Variants in SPTLC2 observed in about 807,000 individuals in gnomAD.
The protein encoded by SPTLC2 is serine palmitoyltransferase 2.
In SPTLC2, 21 loss-of-function variants were observed where a neutral mutation model predicts 62.0. That is an observed-to-expected ratio of 0.34 (90% CI 0.24 to 0.49). The LOEUF is 0.49. Among genes scored for constraint, SPTLC2 ranks in the 20% least tolerant of loss-of-function variants. SPTLC2 has a pLI of 0.99. For synonymous variants in SPTLC2, 261 were observed against 261.8 expected (o/e 1.00, Z 0.03); for missense variants, 511 against 713.0 (o/e 0.72, Z 3.23).
At chr14:77,586,697 T>A (rs988546758) in intron 2 of SPTLC2, among the ~76,000 whole-genome samples, 6 of 152,118 alleles carry the variant, frequency 3.9e-5, no homozygotes, top group African/African-American at 1.4e-4. Context: ...AAATATTTCC[T>A]AAAAACCACT....
intron 9 of SPTLC2, among the ~76,000 whole-genome samples, chr14:77,530,930 G>A (rs2079435333): frequency 1.3e-5 from 2 of 152,198 alleles, no homozygotes; most frequent in East Asian, 1.9e-4. Flanking sequence ...AACAATGCAC[G>A]TTGGCCCACC....
At chr14:77,559,825 A>G (rs2079605253) in intron 6 of SPTLC2, among the ~76,000 whole-genome samples, 3 of 152,142 alleles carry the variant, frequency 2.0e-5, no homozygotes, top group Admixed American at 2.0e-4. Flanking sequence ...TAGGAGGTCA[A>G]GGCTGTGGTG....
chr14:77,576,741 G>C (rs568833361), intron 4 of SPTLC2, 26 bp downstream of exon 4: 1 of 1,614,116 alleles, frequency 6.2e-7, no homozygotes, highest in Non-Finnish European at 8.5e-7. Context: ...AAAAACAGCA[G>C]CTGGCCAAAT....
At position 77,616,549 on chromosome 14, in the gene SPTLC2, G is replaced by C. The variant is rs866105653; in HGVS notation, c.31C>G (p.Arg11Gly). Residue 11 changes from arginine to glycine, a missense_variant, in exon 1 of 12, where the codon CGC becomes GGC. By Grantham distance (125) the Arg-to-Gly change is moderately radical. Coordinates refer to ENST00000216484, the MANE Select transcript of SPTLC2 (RefSeq NM_004863.4). ...CAGCCATTCGCCCGCACCGTGCGGCGGCAGCAGCAGCCTCCGGGCTCCGGC... is the reference window on the plus strand; with the variant it reads ...CAGCCATTCGCCCGCACCGTGCGGCCGCAGCAGCAGCCTCCGGGCTCCGGC... Reference protein sequence around the residue: MRPEPGGCCCRRTVRANGCVA... With the variant: MRPEPGGCCCGRTVRANGCVA... The C allele has an allele frequency of 6.5e-7, 1 of 1,536,316 alleles. No individual in the cohort carries two copies. The highest frequency in any genetic ancestry group is 8.7e-7 in the Non-Finnish European group (1 of 1,147,038).
intron 5 of SPTLC2, among the ~76,000 whole-genome samples, chr14:77,564,298 G>C (rs1349782503): frequency 1.2e-5 from 1 of 81,044 alleles, no homozygotes; most frequent in Non-Finnish European, 2.8e-5. Context: ...AGGAGGAAGA[G>C]GAGGAGAAGG....
At chr14:77,595,055 G>C (rs776011862) in intron 2 of SPTLC2, among the ~76,000 whole-genome samples, 3 of 152,028 alleles carry the variant, frequency 2.0e-5, no homozygotes, top group Non-Finnish European at 4.4e-5. Flanking sequence ...AGGGGGAGAA[G>C]GGGGATCAAA....
rs753752297 is a variant in SPTLC2, at chr14:77,570,392, C to T, written c.748G>A (p.Val250Ile). The T allele has an allele frequency of 6.2e-7, 1 of 1,613,336 alleles. No individual in the cohort carries two copies. The highest frequency in any genetic ancestry group is 2.2e-5 in the East Asian group (1 of 44,858). Residue 250 changes from valine (V) to isoleucine (I), a missense_variant, in exon 5 of 12, where the codon GTT (valine) becomes ATT (isoleucine). Val to Ile is a conservative substitution (Grantham distance 29). Transcript: ENST00000216484. ...ATNSMNIPAL[V>I]GKGCLILSDE... ...ATGACAGAGTATCTTACTTTGCCAA[C>T]AAGAGCAGGAATGTTCATTGAATTC...
chr14:77,562,253 G>A, intron 6 of SPTLC2, 143 bp downstream of exon 6: 1 of 736,108 alleles, frequency 1.4e-6, no homozygotes, highest in Non-Finnish European at 2.4e-6. Flanking sequence ...AATTTTAAAA[G>A]ACTGGACCGG....
At position 77,570,393 on chromosome 14, in the gene SPTLC2, A is replaced by G. The variant is rs148535125; in HGVS notation, c.747T>C (p.Leu249=). The change falls in exon 5 of 12, where the codon CTT becomes CTC. Residue 249 remains leucine (L), a synonymous_variant. Coordinates refer to ENST00000216484, the MANE Select transcript of SPTLC2 (RefSeq NM_004863.4). ...TGACAGAGTATCTTACTTTGCCAAC[A>G]AGAGCAGGAATGTTCATTGAATTCG... is the stretch of plus-strand genomic sequence containing the variant. ...FATNSMNIPA[L]VGKGCLILSD... 67 of 1,613,334 alleles carry G rather than the reference A, an allele frequency of 4.2e-5. No individual in the cohort carries two copies. Among genetic ancestry groups the G allele is most frequent in the Admixed American group, 6.7e-5 (4 of 59,994 alleles).
chr14:77,516,742 C>T (rs78193649), intron 11 of SPTLC2, among the ~76,000 whole-genome samples: 11 of 151,998 alleles, frequency 7.2e-5, no homozygotes, highest in Non-Finnish European at 1.0e-4. Flanking sequence ...ATACTGTATT[C>T]GACATGGAAA....
At chr14:77,584,814 T>C (rs1000687543) in intron 2 of SPTLC2, among the ~76,000 whole-genome samples, 3 of 146,758 alleles carry the variant, frequency 2.0e-5, no homozygotes, top group Non-Finnish European at 2.9e-5. Flanking sequence ...CACACACACT[T>C]AGGAGATGGA....
intron 1 of SPTLC2, among the ~76,000 whole-genome samples, chr14:77,615,064 C>T (rs2079959027): frequency 6.6e-6 from 1 of 152,122 alleles, no homozygotes; most frequent in African/African-American, 2.4e-5. Flanking sequence ...TTAAATTTCC[C>T]TATTACATTC....
chr14:77,541,511 T>C lies in SPTLC2; in HGVS notation c.1303+10585A>G, dbSNP rs377242440. ...GCACACAGACTGGATGATCTGGATA[T>C]ACACCCATTTAGAAGCGGGGGGTCC... On this transcript the variant is annotated intron_variant, in intron 9 of 11. Coordinates refer to ENST00000216484, the MANE Select transcript of SPTLC2 (RefSeq NM_004863.4). 7.0e-4 allele frequency among the ~76,000 whole-genome samples: 107 copies of C among 152,314 alleles called. 1 individual carries two copies. The highest frequency in any genetic ancestry group is 2.5e-3 in the African/African-American group (106 of 41,576).
chr14:77,575,486 G>C (rs909611087), intron 4 of SPTLC2, among the ~76,000 whole-genome samples: 1 of 152,102 alleles, frequency 6.6e-6, no homozygotes, highest in African/African-American at 2.4e-5. Flanking sequence ...GATACTTTGG[G>C]ACCTGTACAG....
At chr14:77,527,113 T>C (rs2079412899) in intron 9 of SPTLC2, among the ~76,000 whole-genome samples, 1 of 141,022 alleles carries the variant, frequency 7.1e-6, no homozygotes. Context: ...TTTTTTTTAA[T>C]TGAGATGGAG....
intron 11 of SPTLC2, among the ~76,000 whole-genome samples, chr14:77,513,893 C>T (rs1356441072): frequency 1.9e-5 from 1 of 53,998 alleles, no homozygotes; most frequent in African/African-American, 4.3e-5. Flanking sequence ...AAAACTCTGT[C>T]TCAAAAAAAA....
chr14:77,613,444 T>C (rs2079948579), intron 1 of SPTLC2, among the ~76,000 whole-genome samples: 1 of 152,238 alleles, frequency 6.6e-6, no homozygotes, highest in Admixed American at 6.5e-5. Flanking sequence ...CAACTGTTAC[T>C]ATTGTGAAAA....
intron 9 of SPTLC2, among the ~76,000 whole-genome samples, chr14:77,542,015 C>T (rs1382602534): frequency 6.6e-6 from 1 of 150,828 alleles, no homozygotes; most frequent in African/African-American, 2.4e-5. Flanking sequence ...CAAGATTGTG[C>T]CACTGCACTC....
chr14:77,534,958 G>C (rs950023989), intron 9 of SPTLC2, among the ~76,000 whole-genome samples: 2 of 151,506 alleles, frequency 1.3e-5, no homozygotes, highest in Non-Finnish European at 2.9e-5. Context: ...ATGGAGTTTC[G>C]CTCTTGTTGC....
Sources: allele counts gnomAD v4.1 joint callset (sites outside exome capture counted in the v4.1 genomes callset), GRCh38; gene constraint gnomAD v4.1.1; transcripts MANE v1.5; gene names NCBI Gene and HGNC (gene_info 2026-07-23, HGNC 2026-07-21).